Variants in DSCAML1 observed in about 807,000 individuals in gnomAD.
The protein encoded by DSCAML1 is DS cell adhesion molecule like 1.
DSCAML1 carries 38 observed loss-of-function variants against 200.5 expected under a neutral mutation model. That is an observed-to-expected ratio of 0.19 (90% CI 0.15 to 0.25). DSCAML1 has a LOEUF of 0.25. Among genes scored for constraint, DSCAML1 ranks in the 10% least tolerant of loss-of-function variants. The pLI is 1.00. For synonymous variants in DSCAML1, 1,215 were observed against 1,165.0 expected (o/e 1.04, Z -0.87); for missense variants, 2,223 against 2,858.8 (o/e 0.78, Z 5.07).
At chr11:117,552,633 A>T (rs2050488674) in intron 3 of DSCAML1, among the ~76,000 whole-genome samples, 1 of 152,196 alleles carries the variant, frequency 6.6e-6, no homozygotes, top group African/African-American at 2.4e-5. Flanking sequence ...AAAGGATAAT[A>T]TATGCAAGAG....
chr11:117,680,106 A>G (rs2053285911), intron 3 of DSCAML1, among the ~76,000 whole-genome samples: 1 of 152,210 alleles, frequency 6.6e-6, no homozygotes, highest in South Asian at 2.1e-4. Context: ...CTGAAGAGAC[A>G]GCCCGACCAT....
Position 117,518,577 on chromosome 11 carries a change from T to A in DSCAML1, c.1399A>T (p.Ile467Phe), listed in dbSNP as rs775392505. 1 of 1,613,976 alleles carries A rather than the reference T, an allele frequency of 6.2e-7. No homozygotes were observed. The highest frequency in any genetic ancestry group is 1.3e-5 in the African/African-American group (1 of 74,932). ...GGGCCTGTGACGTTCATGTGGCTGATGGTGGTGCCGTCCGACATGGTGTAC... is the reference window on the plus strand; with the variant it reads ...GGGCCTGTGACGTTCATGTGGCTGAAGGTGGTGCCGTCCGACATGGTGTAC... ...NQYTMSDGTTISHMNVTGPQI... is the reference protein window; with the variant it reads ...NQYTMSDGTTFSHMNVTGPQI... Residue 467 changes from isoleucine to phenylalanine, a missense_variant, in exon 7 of 33, where the codon ATC becomes TTC. Ile to Phe is a conservative substitution (Grantham distance 21). Transcript: ENST00000651296. This position sits in a 1 kb window ranked among gnomAD's most constrained non-coding sequence, Gnocchi z 6.3.
chr11:117,782,172 G>T (rs1387305264), intron 1 of DSCAML1, among the ~76,000 whole-genome samples: 1 of 152,158 alleles, frequency 6.6e-6, no homozygotes, highest in Admixed American at 6.5e-5. Context: ...ATGGGGGAGG[G>T]CCCACATCCG....
intron 30 of DSCAML1, 36 bp downstream of exon 30, chr11:117,432,316 T>G (rs1336856607): frequency 3.8e-6 from 6 of 1,587,074 alleles, no homozygotes; most frequent in Non-Finnish European, 4.3e-6. Context: ...CCACCCCGGT[T>G]GGGAAAAGGG....
intron 3 of DSCAML1, among the ~76,000 whole-genome samples, chr11:117,550,182 T>C (rs149782399): frequency 6.6e-6 from 1 of 152,358 alleles, no homozygotes; most frequent in African/African-American, 2.4e-5. Context: ...TACCTCTTAA[T>C]TGATAATTTC....
At chr11:117,574,369 C>T (rs1405640068) in intron 3 of DSCAML1, among the ~76,000 whole-genome samples, 2 of 152,168 alleles carry the variant, frequency 1.3e-5, no homozygotes, top group African/African-American at 4.8e-5. Flanking sequence ...TTCCTTGGGG[C>T]AGGCTCCGAA....
intron 27 of DSCAML1, among the ~76,000 whole-genome samples, chr11:117,434,619 A>G (rs1000368420): frequency 5.9e-5 from 9 of 151,946 alleles, no homozygotes; most frequent in African/African-American, 2.2e-4. Flanking sequence ...CCATCCACCC[A>G]TCTATTCATT....
chr11:117,615,176 A>G (rs1437672495), intron 3 of DSCAML1, among the ~76,000 whole-genome samples: 4 of 152,190 alleles, frequency 2.6e-5, no homozygotes, highest in African/African-American at 9.7e-5. Context: ...TGGAGAATGA[A>G]GATAATAGTA....
chr11:117,507,018 T>A (rs2049513690), intron 8 of DSCAML1, among the ~76,000 whole-genome samples: 1 of 152,010 alleles, frequency 6.6e-6, no homozygotes. Flanking sequence ...CAACACTGCC[T>A]ATGTCTCAGC....
intron 3 of DSCAML1, among the ~76,000 whole-genome samples, chr11:117,717,442 G>A (rs983901926): frequency 1.3e-5 from 2 of 152,216 alleles, no homozygotes; most frequent in African/African-American, 2.4e-5. Flanking sequence ...CTCCACCAGG[G>A]ACAACAAATT....
chr11:117,643,635 G>A (rs1406468531), intron 3 of DSCAML1, among the ~76,000 whole-genome samples: 1 of 152,078 alleles, frequency 6.6e-6, no homozygotes, highest in African/African-American at 2.4e-5. Flanking sequence ...TGAGTGGGGC[G>A]GTCCACTCTG....
chr11:117,636,616 G>C (rs2052290565), intron 3 of DSCAML1, among the ~76,000 whole-genome samples: 1 of 152,134 alleles, frequency 6.6e-6, no homozygotes, highest in Non-Finnish European at 1.5e-5. Flanking sequence ...ACTTCCCCCT[G>C]CCTCACTGAA....
chr11:117,479,599 G>T (rs2048866470), intron 14 of DSCAML1, among the ~76,000 whole-genome samples: 1 of 152,140 alleles, frequency 6.6e-6, no homozygotes, highest in African/African-American at 2.4e-5. Flanking sequence ...CAGTGGCGGG[G>T]CGGCCGCACA....
rs753306975 is a variant in DSCAML1 at position 117,443,918 on chromosome 11, C to G, written c.3830G>C (p.Ser1277Thr). The G allele has an allele frequency of 1.2e-6, 2 of 1,611,782 alleles. No homozygotes were observed. The highest frequency in any genetic ancestry group is 1.7e-5 in the Admixed American group (1 of 59,952). The change falls in exon 21 of 33, where the codon AGC (serine) becomes ACC (threonine). Residue 1277 changes from serine to threonine, a missense_variant. Physicochemically the swap from Ser to Thr is moderately conservative, Grantham distance 58 (BLOSUM62 1). This residue lies in a region of DSCAML1 where 614 missense variants were observed against 739.1 expected (regional missense o/e 0.83). Transcript: ENST00000651296. ...AGCAGGCTCGATGGTCACCTTCTCGCTGCTGTTGCCCCGGCCGGCAGAGGT... is the reference window on the plus strand; with the variant it reads ...AGCAGGCTCGATGGTCACCTTCTCGGTGCTGTTGCCCCGGCCGGCAGAGGT... ...AVTSAGRGNS[S>T]EKVTIEPAGK...
intron 1 of DSCAML1, among the ~76,000 whole-genome samples, chr11:117,796,365 G>A (rs1851951366): frequency 6.6e-6 from 1 of 152,268 alleles, no homozygotes; most frequent in African/African-American, 2.4e-5. Flanking sequence ...TGGCCACGGT[G>A]GCGCACCAAG....
At chr11:117,632,638 G>A (rs2052199261) in intron 3 of DSCAML1, among the ~76,000 whole-genome samples, 1 of 152,192 alleles carries the variant, frequency 6.6e-6, no homozygotes, top group African/African-American at 2.4e-5. Flanking sequence ...TTTATGGCAT[G>A]GCCCTGATAT....
chr11:117,794,403 T>A (rs982724324), intron 1 of DSCAML1, among the ~76,000 whole-genome samples: 1 of 152,032 alleles, frequency 6.6e-6, no homozygotes, highest in Non-Finnish European at 1.5e-5. Flanking sequence ...TAAAACACCT[T>A]CCCAGTTTAG....
chr11:117,537,823 G>C (rs780554207), intron 3 of DSCAML1, among the ~76,000 whole-genome samples: 6 of 152,232 alleles, frequency 3.9e-5, no homozygotes, highest in East Asian at 1.9e-4. Context: ...GAAGCTAGGA[G>C]AGGCCAGGAA....
At chr11:117,665,192 A>T (rs905945520) in intron 3 of DSCAML1, among the ~76,000 whole-genome samples, 5 of 152,198 alleles carry the variant, frequency 3.3e-5, no homozygotes, top group African/African-American at 9.7e-5. Context: ...ATGTGGGCCC[A>T]GTCTCCCTGA....
Sources: allele counts gnomAD v4.1 joint callset (sites outside exome capture counted in the v4.1 genomes callset), GRCh38; gene constraint gnomAD v4.1.1; regional missense constraint gnomAD v4.1.1; non-coding constraint Gnocchi (gnomAD v3.1); transcripts MANE v1.5; gene names NCBI Gene and HGNC (gene_info 2026-07-23, HGNC 2026-07-21).